The following ANO4 variants were observed in gnomAD, a reference collection of about 807,000 sequenced individuals.
The protein encoded by ANO4 is anoctamin 4.
In ANO4, 69 loss-of-function variants were observed where a neutral mutation model predicts 141.9. The observed-to-expected ratio is 0.49, with a 90% CI of 0.40 to 0.59. The LOEUF (loss-of-function observed/expected upper bound fraction) is 0.59, where lower values mean the gene tolerates loss of function less well. Among genes scored for constraint, ANO4 ranks in the 20% least tolerant of loss-of-function variants. The pLI is 0.00. For missense variants in ANO4, 894 were observed against 1,162.2 expected, an observed-to-expected ratio of 0.77 and a Z score of 3.36; for synonymous variants, 350 against 394.3, an observed-to-expected ratio of 0.89 and a Z score of 1.33.
chr12:100,810,027 A>C (rs2035304363), intron 1 of ANO4, among the ~76,000 whole-genome samples: 1 of 151,808 alleles, frequency 6.6e-6, no homozygotes, highest in Admixed American at 6.6e-5. Flanking sequence ...TATGCTCCCC[A>C]CTCCCAAAGC....
intron 9 of ANO4, among the ~76,000 whole-genome samples, chr12:101,028,306 G>A (rs1025387396): frequency 1.3e-5 from 2 of 152,094 alleles, no homozygotes; most frequent in South Asian, 2.1e-4. Context: ...CTCTGGCAAG[G>A]GCATAATTGG....
chr12:100,870,501 T>C (rs993816313), intron 1 of ANO4, among the ~76,000 whole-genome samples: 1 of 151,930 alleles, frequency 6.6e-6, no homozygotes, highest in Non-Finnish European at 1.5e-5. Context: ...CAGTTTGTCA[T>C]TCCATGTATT....
chr12:100,812,041 C>T (rs199896855), intron 1 of ANO4, among the ~76,000 whole-genome samples: 1 of 20,202 alleles, frequency 4.9e-5, no homozygotes, highest in Non-Finnish European at 9.3e-5. Context: ...TATATGTGTA[C>T]ACACACACAC....
chr12:100,959,424 T>C (rs968777678), intron 5 of ANO4, among the ~76,000 whole-genome samples: 3 of 152,136 alleles, frequency 2.0e-5, no homozygotes, highest in Non-Finnish European at 4.4e-5. Context: ...TACTCTCCTC[T>C]AATGACCACT....
chr12:101,089,792 T>C (rs960786022), intron 17 of ANO4, among the ~76,000 whole-genome samples: 9 of 151,928 alleles, frequency 5.9e-5, no homozygotes, highest in African/African-American at 2.2e-4. Flanking sequence ...AAAGAAACTA[T>C]CATCAGAGTG....
intron 1 of ANO4, among the ~76,000 whole-genome samples, chr12:100,730,940 A>G (rs969103219): frequency 2.0e-5 from 3 of 152,252 alleles, no homozygotes; most frequent in African/African-American, 4.8e-5. Flanking sequence ...GCTTTTGTCA[A>G]TACTTCCCAA....
intron 2 of ANO4, among the ~76,000 whole-genome samples, chr12:100,918,307 G>A: frequency 6.6e-6 from 1 of 152,098 alleles, no homozygotes; most frequent in Non-Finnish European, 1.5e-5. Context: ...AGCCTAGGTG[G>A]CAAAGTGAGA....
upstream of ANO4, among the ~76,000 whole-genome samples, chr12:100,794,350 C>T (rs888503888): frequency 7.2e-5 from 11 of 152,182 alleles, no homozygotes; most frequent in African/African-American, 2.7e-4. Flanking sequence ...TGCAGAGATG[C>T]TGTGGGATGC....
At chr12:100,791,458 A>C (rs563417533), upstream of ANO4, among the ~76,000 whole-genome samples, 18 of 152,338 alleles carry the variant, frequency 1.2e-4, 1 homozygote, top group South Asian at 3.7e-3. Context: ...GTCAGAGTTG[A>C]GAAACAAAAA....
At chr12:101,126,266 C>T (rs1235873158) in intron 26 of ANO4, among the ~76,000 whole-genome samples, 3 of 152,110 alleles carry the variant, frequency 2.0e-5, no homozygotes, top group Non-Finnish European at 2.9e-5. Flanking sequence ...TCATCTAGTA[C>T]TTCCTTGGTC....
At chr12:101,040,827 C>T (rs1293747420) in intron 11 of ANO4, among the ~76,000 whole-genome samples, 1 of 148,902 alleles carries the variant, frequency 6.7e-6, no homozygotes, top group Non-Finnish European at 1.5e-5. Context: ...TTGTTCAACT[C>T]CCACTTATGA....
At chr12:100,881,866 A>G (rs1421249726) in intron 1 of ANO4, among the ~76,000 whole-genome samples, 1 of 152,200 alleles carries the variant, frequency 6.6e-6, no homozygotes, top group African/African-American at 2.4e-5. Context: ...CTTGTGATAC[A>G]GGCCCAAAGG....
intron 22 of ANO4, among the ~76,000 whole-genome samples, chr12:101,101,286 C>T (rs374303548): frequency 2.3e-4 from 35 of 152,154 alleles, no homozygotes; most frequent in African/African-American, 8.4e-4. Flanking sequence ...TTGTAGAGTA[C>T]ATACCCTTTG....
chr12:100,746,065 G>C (rs1173688680), intron 3 of ANO4, among the ~76,000 whole-genome samples: 1 of 152,166 alleles, frequency 6.6e-6, no homozygotes, highest in African/African-American at 2.4e-5. Context: ...TCACTGGAGA[G>C]GGAGGTCAGC....
intron 17 of ANO4, among the ~76,000 whole-genome samples, chr12:101,088,581 A>G (rs1022642426): frequency 4.6e-5 from 7 of 151,850 alleles, no homozygotes; most frequent in African/African-American, 1.5e-4. Context: ...GGCCTGGCAC[A>G]TAGTAGATGC....
chr12:100,813,929 A>G (rs1320604878), intron 1 of ANO4, among the ~76,000 whole-genome samples: 1 of 152,144 alleles, frequency 6.6e-6, no homozygotes, highest in Non-Finnish European at 1.5e-5. Flanking sequence ...TCTTTGGGCC[A>G]TGCGTGAGCA....
intron 9 of ANO4, among the ~76,000 whole-genome samples, chr12:101,023,141 TAGG>T (rs1225637923): frequency 6.6e-6 from 1 of 152,198 alleles, no homozygotes; most frequent in Non-Finnish European, 1.5e-5. Flanking sequence ...TGGCATATAG[TAGG>T]AGTTCAATAA....
intron 5 of ANO4, among the ~76,000 whole-genome samples, chr12:100,947,506 C>T (rs111675387): frequency 8.5e-5 from 13 of 152,228 alleles, no homozygotes; most frequent in East Asian, 1.9e-4. Context: ...AAATGTAGTA[C>T]GCTTTAAAAA....
intron 1 of ANO4, among the ~76,000 whole-genome samples, chr12:100,808,039 T>A (rs1004418858): frequency 1.3e-5 from 2 of 152,192 alleles, no homozygotes; most frequent in African/African-American, 4.8e-5. Flanking sequence ...CATGCATGTA[T>A]CTTTATGGTA....
Sources: gnomAD v4.1 joint callset for allele counts (sites outside exome capture counted in the v4.1 genomes callset) on GRCh38, gnomAD v4.1.1 for gene constraint, MANE v1.5 for transcripts, NCBI Gene and HGNC (gene_info 2026-07-23, HGNC 2026-07-21) for gene names.